SLC16A10: variants seen among roughly 807,000 people sequenced by gnomAD.
SLC16A10 encodes the protein monocarboxylate transporter 10.
SLC16A10 carries 27 observed loss-of-function variants against 40.0 expected under a neutral mutation model. The observed-to-expected ratio is 0.67, with a 90% CI of 0.50 to 0.93. The LOEUF is 0.93. Ranked by LOEUF, SLC16A10 falls within the 40% of genes least tolerant of loss-of-function variation. The pLI is 0.00. For synonymous variants in SLC16A10, 213 were observed against 249.8 expected, an observed-to-expected ratio of 0.85 and a Z score of 1.39; for missense variants, 529 against 658.2, an observed-to-expected ratio of 0.80 and a Z score of 2.15.
At position 111,167,982 on chromosome 6, in the gene SLC16A10, C is replaced by T. The variant is rs368219628; in HGVS notation, c.344-4713C>T. ...GAGCCACTGTTCCTGGTCTAGTTTG[C>T]ACTTTTTTTTTTTTTGAAACAGAGT... On this transcript the variant is annotated intron_variant, in intron 1 of 5. Transcript: ENST00000368851. Among the ~76,000 whole-genome samples, 77 of 147,198 alleles carry T rather than the reference C, an allele frequency of 5.2e-4. 1 individual carries two copies. In the East Asian group the frequency reaches 0.012, roughly 23 times the overall value.
intron 3 of SLC16A10, chr6:111,193,383 C>T: frequency 1.1e-6 from 1 of 909,744 alleles, no homozygotes; most frequent in Non-Finnish European, 1.3e-6. Context: ...CACCAGCATT[C>T]TCCTACTTGA....
At chr6:111,149,259 A>T (rs1772130634) in intron 1 of SLC16A10, among the ~76,000 whole-genome samples, 1 of 152,154 alleles carries the variant, frequency 6.6e-6, no homozygotes, top group Non-Finnish European at 1.5e-5. Flanking sequence ...TATGTTCTGC[A>T]TTGGTTTAAG....
intron 4 of SLC16A10, among the ~76,000 whole-genome samples, chr6:111,211,211 G>A (rs1452927147): frequency 6.6e-6 from 1 of 152,110 alleles, no homozygotes; most frequent in Admixed American, 6.5e-5. Context: ...CTATGGTGCT[G>A]TAATAGATAA....
rs1771106393 is a variant in SLC16A10 at position 111,230,957 on chromosome 6, A to T, written c.*8722A>T. On this transcript the variant is annotated 3_prime_UTR_variant, in exon 6 of 6. Transcript: ENST00000368851. ...AATAGTTGTTCAAATGTAGATCACT[A>T]TGCTGAATGCTCATGCTGGATTTGA... The T allele has an allele frequency of 6.6e-6, 1 of 152,206 alleles. No homozygotes were observed. Among genetic ancestry groups the T allele is most frequent in the African/African-American group, 2.4e-5 (1 of 41,454 alleles). 9.4% of individuals were successfully genotyped at this position (152,206 alleles called of 1,614,324 possible).
intron 1 of SLC16A10, among the ~76,000 whole-genome samples, chr6:111,096,884 G>T (rs1562395619): frequency 6.6e-6 from 1 of 151,962 alleles, no homozygotes; most frequent in South Asian, 2.1e-4. Flanking sequence ...AGTCAGTGAT[G>T]TGATGGCTCA....
chr6:111,162,017 G>T (rs1463026184), intron 1 of SLC16A10, among the ~76,000 whole-genome samples: 1 of 152,178 alleles, frequency 6.6e-6, no homozygotes, highest in East Asian at 1.9e-4. Flanking sequence ...AATAAGCAGG[G>T]TTAGTCTAAA....
chr6:111,178,288 G>T (rs1772725885), intron 3 of SLC16A10: 1 of 469,400 alleles, frequency 2.1e-6, no homozygotes, highest in Non-Finnish European at 4.4e-6. Flanking sequence ...CTATTCAGAG[G>T]AATATCTGAG....
chr6:111,118,972 C>A (rs1583312686), intron 1 of SLC16A10, among the ~76,000 whole-genome samples: 1 of 152,302 alleles, frequency 6.6e-6, no homozygotes, highest in Non-Finnish European at 1.5e-5. Context: ...TGGAAGGTGT[C>A]ATGCTGAAGA....
At position 111,087,834 on chromosome 6, in the gene SLC16A10, G is replaced by T; in HGVS notation, c.82G>T (p.Ala28Ser). Reference protein sequence around the residue: ...QPLGPAPTGAAPPPGPGPSDS... With the variant: ...QPLGPAPTGASPPPGPGPSDS... Reference sequence around the variant, plus strand: ...GCTCGGCCCCGCGCCCACGGGGGCCGCTCCGCCGCCCGGCCCGGGACCCTC... The same window carrying T: ...GCTCGGCCCCGCGCCCACGGGGGCCTCTCCGCCGCCCGGCCCGGGACCCTC... Residue 28 changes from alanine (A) to serine (S), a missense_variant, in exon 1 of 6, where the codon GCT becomes TCT. By Grantham distance (99) the Ala-to-Ser change is moderately conservative. Coordinates refer to ENST00000368851, the MANE Select transcript of SLC16A10 (RefSeq NM_018593.5). 1 of 1,355,632 alleles carries T rather than the reference G, an allele frequency of 7.4e-7. No individual in the cohort carries two copies. Among genetic ancestry groups the T allele is most frequent in the African/African-American group, 1.5e-5 (1 of 64,800 alleles). 84.0% of individuals were successfully genotyped at this position (1,355,632 alleles called of 1,614,324 possible).
At chr6:111,099,413 A>T (rs1771132762) in intron 1 of SLC16A10, among the ~76,000 whole-genome samples, 1 of 152,152 alleles carries the variant, frequency 6.6e-6, no homozygotes, top group African/African-American at 2.4e-5. Context: ...CCTGGGCTCA[A>T]GCGATTTTCT....
intron 3 of SLC16A10, chr6:111,178,448 G>A (rs775118946): frequency 5.6e-6 from 3 of 531,218 alleles, no homozygotes; most frequent in South Asian, 4.2e-5. Flanking sequence ...TTAATGTCTA[G>A]ACTGGGGTTG....
intron 1 of SLC16A10, among the ~76,000 whole-genome samples, chr6:111,128,561 A>G (rs1017293767): frequency 6.7e-6 from 1 of 149,458 alleles, no homozygotes; most frequent in Non-Finnish European, 1.5e-5. Flanking sequence ...TGTTAATTCC[A>G]TAACACCACA....
In SLC16A10 at chr6:111,161,222, C is replaced by CAAAAA. The variant is rs57463212; in HGVS notation, c.344-11453_344-11449dup. Among the ~76,000 whole-genome samples, 278 of 42,198 alleles carry CAAAAA rather than the reference C, an allele frequency of 6.6e-3. 18 individuals carry two copies. The highest frequency in any genetic ancestry group is 8.5e-3 in the Non-Finnish European group (215 of 25,164). 27.7% of individuals were successfully genotyped at this position (42,198 alleles called of 152,430 possible). On this transcript the variant is annotated intron_variant, in intron 1 of 5. Transcript: ENST00000368851. ...TGGCTGACATAGCGAGACAGTGTCT[C>CAAAAA]AAAAAAAAAAAAAAAAAAAAAAAAG...
chr6:111,202,149 G>A (rs574641655), intron 3 of SLC16A10, among the ~76,000 whole-genome samples: 1 of 152,318 alleles, frequency 6.6e-6, no homozygotes, highest in African/African-American at 2.4e-5. Context: ...CTAGTGAGGG[G>A]AAAGTAACCG....
intron 4 of SLC16A10, among the ~76,000 whole-genome samples, chr6:111,210,692 T>C (rs890831406): frequency 6.6e-6 from 1 of 151,978 alleles, no homozygotes; most frequent in African/African-American, 2.4e-5. Context: ...TTAGAGTGGG[T>C]CAGATTAGAC....
intron 3 of SLC16A10, among the ~76,000 whole-genome samples, chr6:111,192,781 C>T (rs1773017313): frequency 1.3e-5 from 2 of 152,140 alleles, no homozygotes; most frequent in Admixed American, 6.5e-5. Flanking sequence ...TGCAGAGGAA[C>T]TGCCCTTTAT....
intron 3 of SLC16A10, among the ~76,000 whole-genome samples, chr6:111,187,267 G>T (rs1772913702): frequency 6.6e-6 from 1 of 152,048 alleles, no homozygotes; most frequent in South Asian, 2.1e-4. Flanking sequence ...GCAATATCAG[G>T]GCTTCTATCT....
chr6:111,162,923 T>C (rs1434660943), intron 1 of SLC16A10, among the ~76,000 whole-genome samples: 1 of 152,052 alleles, frequency 6.6e-6, no homozygotes, highest in Non-Finnish European at 1.5e-5. Flanking sequence ...ATGAGTCCTG[T>C]ACATTTTCCC....
intron 1 of SLC16A10, among the ~76,000 whole-genome samples, chr6:111,109,740 T>G (rs954973091): frequency 2.0e-5 from 3 of 152,126 alleles, no homozygotes; most frequent in Non-Finnish European, 4.4e-5. Context: ...GTGTGAGCCA[T>G]CACACCTGGC....
Sources: gnomAD v4.1 joint callset for allele counts (sites outside exome capture counted in the v4.1 genomes callset) on GRCh38, gnomAD v4.1.1 for gene constraint, MANE v1.5 for transcripts, NCBI Gene and HGNC (gene_info 2026-07-23, HGNC 2026-07-21) for gene names.